The following ABCC6 variants were observed in gnomAD, a reference collection of about 807,000 sequenced individuals.
ABCC6 encodes the protein ATP binding cassette subfamily C member 6, also known as ATP-binding cassette sub-family C member 6.
In ABCC6, 126 loss-of-function variants were observed where a neutral mutation model predicts 169.5. The observed-to-expected ratio is 0.74, with a 90% confidence interval of 0.64 to 0.86. The LOEUF is 0.86. ABCC6 is among the 40% of genes least tolerant of loss of function. The pLI is 0.00. For missense variants in ABCC6, 1,733 were observed against 1,927.2 expected (o/e 0.90, Z 1.89); for synonymous variants, 752 against 814.7 (o/e 0.92, Z 1.31).
At chr16:16,201,823 A>C (rs74608684) in intron 9 of ABCC6, among the ~76,000 whole-genome samples, 178 bp downstream of exon 9, 1 of 152,170 alleles carries the variant, frequency 6.6e-6, no homozygotes, top group Non-Finnish European at 1.5e-5. Context: ...GCAAGACTCC[A>C]TCTCAAAAAA....
At chr16:16,152,850 G>A (rs1304365270) in intron 29 of ABCC6, among the ~76,000 whole-genome samples, 2 of 151,938 alleles carry the variant, frequency 1.3e-5, no homozygotes, top group Middle Eastern at 3.2e-3. Flanking sequence ...CAAGCCCTTC[G>A]GACACCCTCA....
intron 11 of ABCC6, among the ~76,000 whole-genome samples, chr16:16,192,046 G>A (rs2047879613): frequency 3.9e-5 from 6 of 152,194 alleles, no homozygotes; most frequent in Admixed American, 3.9e-4. Context: ...GGCAGGCAAA[G>A]GAGAGGCTGC....
chr16:16,195,002 T>A (rs1240492990), intron 10 of ABCC6, among the ~76,000 whole-genome samples: 2 of 152,154 alleles, frequency 1.3e-5, no homozygotes, highest in African/African-American at 2.4e-5. Context: ...TTTCTAACAT[T>A]GGGCCAGTTT....
chr16:16,196,029 G>C (rs2048026782), intron 10 of ABCC6, among the ~76,000 whole-genome samples: 1 of 152,030 alleles, frequency 6.6e-6, no homozygotes. Flanking sequence ...AGCCAACATG[G>C]TGAAACCCAG....
chr16:16,171,802 G>T (rs556057517), intron 21 of ABCC6, among the ~76,000 whole-genome samples: 56 of 151,118 alleles, frequency 3.7e-4, no homozygotes, highest in Admixed American at 9.9e-4. Context: ...GGGATGGACA[G>T]ATAAATGAGT....
chr16:16,207,687 C>T (rs1352257856), intron 7 of ABCC6, among the ~76,000 whole-genome samples: 3 of 152,218 alleles, frequency 2.0e-5, no homozygotes, highest in East Asian at 1.9e-4. Context: ...CACCAAGATC[C>T]GGTGAGGTTA....
At chr16:16,201,205 G>T (rs2048225812) in intron 9 of ABCC6, among the ~76,000 whole-genome samples, 1 of 152,160 alleles carries the variant, frequency 6.6e-6, no homozygotes, top group Admixed American at 6.5e-5. Context: ...GACCTCAAGT[G>T]ATCCGCCTGT....
rs1006994885 is a variant in ABCC6 at position 16,150,577 on chromosome 16, C to G, written c.4403+1G>C. 1 of 1,607,740 alleles carries G rather than the reference C, an allele frequency of 6.2e-7. No individual in the cohort carries two copies. The highest frequency in any genetic ancestry group is 8.5e-7 in the Non-Finnish European group (1 of 1,175,780). Reference sequence around the variant, plus strand: ...AGGTCAGGCCGGGGCGGGAGCCTTACCGGGCACAGTCCATCACGGAGCGCA... The same window carrying G: ...AGGTCAGGCCGGGGCGGGAGCCTTAGCGGGCACAGTCCATCACGGAGCGCA... On this transcript the variant is annotated splice_donor_variant, in intron 30 of 30. Coordinates refer to ENST00000205557, the MANE Select transcript of ABCC6 (RefSeq NM_001171.6). LOFTEE classifies it high-confidence loss of function.
At chr16:16,184,081 C>G (rs146052037) in intron 15 of ABCC6, 3,770 of 173,728 alleles carry the variant, frequency 0.022, 65 homozygotes, top group African/African-American at 0.048. Context: ...CGCCTGTAAT[C>G]CCAGCTACTC....
At chr16:16,151,642 A>G (rs1218888728) in intron 29 of ABCC6, among the ~76,000 whole-genome samples, 1 of 152,140 alleles carries the variant, frequency 6.6e-6, no homozygotes, top group East Asian at 1.9e-4. Flanking sequence ...GTCCAGTTCT[A>G]TTTCTAGTTT....
intron 6 of ABCC6, among the ~76,000 whole-genome samples, chr16:16,209,673 GGCT>G (rs2152290551): frequency 6.6e-6 from 1 of 151,718 alleles, no homozygotes; most frequent in East Asian, 1.9e-4. Context: ...ATGTGATCTG[GGCT>G]CACTGCAACC....
At chr16:16,195,351 C>T (rs1315604534) in intron 10 of ABCC6, among the ~76,000 whole-genome samples, 3 of 127,688 alleles carry the variant, frequency 2.3e-5, no homozygotes, top group Admixed American at 9.8e-5. Context: ...CTCACTCTGT[C>T]GTCCAGGCTG....
At chr16:16,219,354 T>C (rs1310671284) in intron 4 of ABCC6, among the ~76,000 whole-genome samples, 200 bp downstream of exon 4, 2 of 152,030 alleles carry the variant, frequency 1.3e-5, no homozygotes, top group African/African-American at 2.4e-5. Context: ...AGACAGGAAA[T>C]TGTGTTGATA....
rs752909939 is a variant in ABCC6 at position 16,185,130 on chromosome 16, G to T, written c.1868-96C>A. 540 of 1,155,316 alleles carry T rather than the reference G, an allele frequency of 4.7e-4. 1 individual carries two copies. The highest frequency in any genetic ancestry group is 6.6e-4 in the Non-Finnish European group (514 of 773,322). 71.6% of individuals were successfully genotyped at this position (1,155,316 alleles called of 1,614,324 possible). A position where few individuals can be genotyped will look rare whatever the true frequency, so the allele number is the denominator to read the frequency against. On this transcript the variant is annotated intron_variant, in intron 14 of 30. Coordinates refer to ENST00000205557, the MANE Select transcript of ABCC6 (RefSeq NM_001171.6). The stretch of plus-strand genomic sequence containing the variant: ...GGCACCATCCCCCGCCCCCCCCAGG[G>T]GCAGAGGCTGCAGGAAGAAATCTCT...
chr16:16,157,901 G>A lies in ABCC6; in HGVS notation c.3736-92C>T, dbSNP rs937700322. On this transcript the variant is annotated intron_variant, in intron 26 of 30. Transcript: ENST00000205557. ...TCTATCAGCTTCAGTTTTCTCTTCC[G>A]CAAAATGGACGTATTTATTGCTGTT... 33 of 1,372,566 alleles carry A rather than the reference G, an allele frequency of 2.4e-5. 1 individual carries two copies. Among genetic ancestry groups the A allele is most frequent in the Non-Finnish European group, 2.9e-5 (29 of 1,010,604 alleles). 85.0% of individuals were successfully genotyped at this position (1,372,566 alleles called of 1,614,324 possible). A position where few individuals can be genotyped will look rare whatever the true frequency, so the allele number is the denominator to read the frequency against.
In ABCC6 at chr16:16,150,612, C is replaced by T; in HGVS notation, c.4369G>A (p.Ala1457Thr). The change falls in exon 30 of 31, where the codon GCC (alanine) becomes ACC (threonine). Residue 1457 changes from alanine (A) to threonine (T), a missense_variant. Ala to Thr is a moderately conservative substitution (Grantham distance 58). Transcript: ENST00000205557. ...TCCATCACGGAGCGCAGGCGGTGGG[C>T]AATGAGCAGCACAGTGCACTGTGCA... The part of the protein sequence containing the change: ...WFAQCTVLLI[A>T]HRLRSVMDCA... 1 of 1,612,796 alleles carries T rather than the reference C, an allele frequency of 6.2e-7. No individual in the cohort carries two copies. Among genetic ancestry groups the T allele is most frequent in the Non-Finnish European group, 8.5e-7 (1 of 1,179,420 alleles).
In ABCC6 at chr16:16,161,483, G is replaced by A. The variant is rs778568997; in HGVS notation, c.3588C>T (p.His1196=). Residue 1196 remains histidine, a synonymous_variant, in exon 25 of 31, where the codon CAC becomes CAT. Transcript: ENST00000205557. ...AGAAGCCCACGAGGCCAGCACTGAG[G>A]TGGGCTTTGCTCAGCACAGCACACG... is the stretch of plus-strand genomic sequence containing the variant. ...AATCAVLSKA[H]LSAGLVGFSV... is the part of the protein sequence containing the mutation. The A allele has an allele frequency of 6.2e-7, 1 of 1,613,994 alleles. No individual in the cohort carries two copies. Among genetic ancestry groups the A allele is most frequent in the Non-Finnish European group, 8.5e-7 (1 of 1,180,028 alleles).
chr16:16,164,017 A>T (rs930495660), intron 23 of ABCC6, among the ~76,000 whole-genome samples: 1 of 151,920 alleles, frequency 6.6e-6, no homozygotes, highest in Admixed American at 6.6e-5. Context: ...ATTGTCGGGG[A>T]CAGTGGTAGC....
intron 7 of ABCC6, among the ~76,000 whole-genome samples, chr16:16,207,009 A>C (rs566956949): frequency 4.6e-5 from 7 of 152,332 alleles, no homozygotes; most frequent in African/African-American, 1.7e-4. Flanking sequence ...ATGTGGTGGC[A>C]CACGCCTGTG....
Sources: allele counts gnomAD v4.1 joint callset (sites outside exome capture counted in the v4.1 genomes callset), GRCh38; gene constraint gnomAD v4.1.1; transcripts MANE v1.5; gene names NCBI Gene and HGNC (gene_info 2026-07-23, HGNC 2026-07-21).